The following ZNF467 variants were observed in gnomAD, a reference collection of about 807,000 sequenced individuals.
The protein encoded by ZNF467 is zinc finger protein 467.
In ZNF467, 51 loss-of-function variants were observed where a neutral mutation model predicts 47.8. The observed-to-expected ratio is 1.07, with a 90% confidence interval of 0.85 to 1.35. The LOEUF (loss-of-function observed/expected upper bound fraction) is 1.35. ZNF467 is among the 40% of genes most tolerant of loss of function. The pLI is 0.00. For synonymous variants in ZNF467, 416 were observed against 372.9 expected, an observed-to-expected ratio of 1.12 and a Z score of -1.33; for missense variants, 992 against 858.1, an observed-to-expected ratio of 1.16 and a Z score of -1.95.
intron 4 of ZNF467, 97 bp from the exon 5 acceptor site, chr7:149,766,336 T>C: frequency 1.3e-6 from 2 of 1,486,476 alleles, no homozygotes; most frequent in Non-Finnish European, 1.8e-6. Context: ...GCGGTCTGGC[T>C]CTGCTCTCCA....
chr7:149,776,218 A>G (rs955191704), upstream of ZNF467: 44 of 722,666 alleles, frequency 6.1e-5, no homozygotes, highest in Non-Finnish European at 8.2e-5. Flanking sequence ...GCCACTTCCC[A>G]TGAGTGTCTC....
At chr7:149,775,500 C>A (rs1248833442), upstream of ZNF467, among the ~76,000 whole-genome samples, 1 of 152,102 alleles carries the variant, frequency 6.6e-6, no homozygotes, top group Non-Finnish European at 1.5e-5. Context: ...GGGGTCATGG[C>A]CCTCTTGAGA....
At chr7:149,772,563 C>G (rs1352474156) in intron 1 of ZNF467, among the ~76,000 whole-genome samples, 3 of 141,730 alleles carry the variant, frequency 2.1e-5, no homozygotes, top group Admixed American at 2.1e-4. Flanking sequence ...TATTTCTGCT[C>G]CCCTCGGACT....
At chr7:149,772,532 T>G (rs1292638559) in intron 1 of ZNF467, among the ~76,000 whole-genome samples, 4 of 97,194 alleles carry the variant, frequency 4.1e-5, no homozygotes, top group South Asian at 3.8e-4. Flanking sequence ...GCCTCTCTTC[T>G]CCGCCGCGGC....
upstream of ZNF467, among the ~76,000 whole-genome samples, chr7:149,773,648 G>T (rs1348263138): frequency 6.8e-6 from 1 of 146,012 alleles, no homozygotes. Flanking sequence ...GAACGGGTGG[G>T]GGGGTGGCGG....
chr7:149,775,846 G>A (rs1011181858), upstream of ZNF467, among the ~76,000 whole-genome samples: 17 of 152,288 alleles, frequency 1.1e-4, no homozygotes, highest in Middle Eastern at 3.4e-3. Flanking sequence ...GGTCCAATCC[G>A]GTTGTGGGCA....
upstream of ZNF467, chr7:149,776,443 C>A (rs748392105): frequency 7.4e-7 from 1 of 1,350,794 alleles, no homozygotes; most frequent in Admixed American, 2.0e-5. Context: ...CCATTACAGC[C>A]GCCTGGGCTG....
chr7:149,776,282 T>C (rs778351279), upstream of ZNF467: 56 of 1,299,652 alleles, frequency 4.3e-5, 1 homozygote, highest in South Asian at 4.1e-4. Context: ...AGTGGTGTCA[T>C]AGGACAGGGC....
rs189263582 is a variant in ZNF467 at position 149,768,395 on chromosome 7, C to T, written c.262+695G>A. ...TCACAAACCTTCACAAACCGAAGCTCCTGGAGGCAAGGTGGCCTATCCAAG... is the reference window on the plus strand; with the variant it reads ...TCACAAACCTTCACAAACCGAAGCTTCTGGAGGCAAGGTGGCCTATCCAAG... On this transcript the variant is annotated intron_variant, in intron 4 of 4. Coordinates refer to ENST00000302017, the MANE Select transcript of ZNF467 (RefSeq NM_207336.3). Among the ~76,000 whole-genome samples, 399 of 152,356 alleles carry T rather than the reference C, an allele frequency of 2.6e-3. 1 individual carries two copies. The highest frequency in any genetic ancestry group is 4.6e-3 in the Non-Finnish European group (315 of 68,030).
upstream of ZNF467, among the ~76,000 whole-genome samples, chr7:149,774,245 C>T (rs1004959686): frequency 1.3e-5 from 2 of 152,170 alleles, no homozygotes; most frequent in African/African-American, 2.4e-5. The surrounding 1 kb of genome is among the most constrained non-coding windows in gnomAD (Gnocchi z 5.7). Flanking sequence ...CTCCACTCGC[C>T]CTCCCTGCCC....
chr7:149,773,948 G>T (rs1799507101), upstream of ZNF467, among the ~76,000 whole-genome samples: 1 of 152,162 alleles, frequency 6.6e-6, no homozygotes, highest in Non-Finnish European at 1.5e-5. Context: ...CCCTGTGCTT[G>T]CGAGAACGGG....
chr7:149,765,926 G>A lies in ZNF467; in HGVS notation c.576C>T (p.Asp192=). ...HRGEGPCACP[D]CGRSFTQRAH... is the part of the protein sequence containing the mutation. ...CGCGCTGCGTGAAGCTGCGGCCGCA[G>A]TCCGGGCAGGCGCAGGGGCCCTCGC... The change falls in exon 5 of 5, where the codon GAC becomes GAT. Residue 192 remains aspartate, a synonymous_variant. Coordinates refer to ENST00000302017, the MANE Select transcript of ZNF467 (RefSeq NM_207336.3). 6.4e-7 allele frequency: 1 copy of A among 1,556,878 alleles called. No individual in the cohort carries two copies.
intron 1 of ZNF467, among the ~76,000 whole-genome samples, chr7:149,771,794 CCT>C (rs1165672000): frequency 1.3e-5 from 2 of 149,416 alleles, no homozygotes; most frequent in Non-Finnish European, 3.0e-5. Context: ...TGCCTTCCGC[CCT>C]CTCTCCCCTG....
chr7:149,766,142 G>T lies in ZNF467; in HGVS notation c.360C>A (p.Ser120Arg). The change falls in exon 5 of 5, where the codon AGC becomes AGA. Residue 120 changes from serine to arginine, a missense_variant. Coordinates refer to ENST00000302017, the MANE Select transcript of ZNF467 (RefSeq NM_207336.3). ...GCCCCAGGTCAGGCGCGGGAAAGGGGCTGGGAAGTAACGATAGATGCTGGG... is the reference window on the plus strand; with the variant it reads ...GCCCCAGGTCAGGCGCGGGAAAGGGTCTGGGAAGTAACGATAGATGCTGGG... ...EWPQHLSLLP[S>R]PFPAPDLGHL... 6.2e-7 allele frequency: 1 copy of T among 1,600,630 alleles called. No homozygotes were observed. The highest frequency in any genetic ancestry group is 8.5e-7 in the Non-Finnish European group (1 of 1,171,362).
At chr7:149,773,942 G>A (rs1799506935), upstream of ZNF467, among the ~76,000 whole-genome samples, 3 of 152,194 alleles carry the variant, frequency 2.0e-5, no homozygotes, top group African/African-American at 7.2e-5. Flanking sequence ...CTGGGCCCCT[G>A]TGCTTGCGAG....
In ZNF467 at chr7:149,765,404, C is replaced by G. The variant is rs1185876349; in HGVS notation, c.1098G>C (p.Trp366Cys). The change falls in exon 5 of 5, where the codon TGG (tryptophan) becomes TGC (cysteine). Residue 366 changes from tryptophan (W) to cysteine (C), a missense_variant. Coordinates refer to ENST00000302017, the MANE Select transcript of ZNF467 (RefSeq NM_207336.3). Reference protein sequence around the residue: ...ACSDCGLSFGWKKNLATHQCL... With the variant: ...ACSDCGLSFGCKKNLATHQCL... Reference sequence around the variant, plus strand: ...ACTGGTGCGTGGCGAGGTTCTTTTTCCAGCCGAAGCTCAAGCCGCAGTCGG... The same window carrying G: ...ACTGGTGCGTGGCGAGGTTCTTTTTGCAGCCGAAGCTCAAGCCGCAGTCGG... 2 of 1,572,104 alleles carry G rather than the reference C, an allele frequency of 1.3e-6. No individual in the cohort carries two copies. Among genetic ancestry groups the G allele is most frequent in the Non-Finnish European group, 8.6e-7 (1 of 1,159,584 alleles).
chr7:149,776,482 T>A (rs1266478764), upstream of ZNF467: 1 of 1,327,356 alleles, frequency 7.5e-7, no homozygotes, highest in Non-Finnish European at 1.0e-6. Flanking sequence ...GAGTGGCCGC[T>A]CGGGGCTTAC....
chr7:149,769,237 C>T lies in ZNF467; in HGVS notation c.152-37G>A, dbSNP rs1395416364. 12 of 1,514,916 alleles carry T rather than the reference C, an allele frequency of 7.9e-6. No homozygotes were observed. Among genetic ancestry groups the T allele is most frequent in the Non-Finnish European group, 1.1e-5 (12 of 1,128,776 alleles). The allele number at this position is 1,514,916 out of a possible 1,614,324, so 93.8% of individuals were successfully genotyped here. On this transcript the variant is annotated intron_variant, in intron 3 of 4. Coordinates refer to ENST00000302017, the MANE Select transcript of ZNF467 (RefSeq NM_207336.3). This position sits in a 1 kb window ranked among gnomAD's most constrained non-coding sequence, Gnocchi z 5.3. ...TAGGATACCTCAAGGACTCTGGAGA[C>T]ATCACAGATGGCCAAAGGGCCCCAC...
Position 149,764,772 on chromosome 7 carries a change from A to G in ZNF467, c.1730T>C (p.Leu577Pro). 2 of 1,525,946 alleles carry G rather than the reference A, an allele frequency of 1.3e-6. No homozygotes were observed. Among genetic ancestry groups the G allele is most frequent in the Non-Finnish European group, 1.8e-6 (2 of 1,136,504 alleles). The allele number at this position is 1,525,946 out of a possible 1,614,324, so 94.5% of individuals were successfully genotyped here. A position where few individuals can be genotyped will look rare whatever the true frequency, so the allele number is the denominator to read the frequency against. Reference sequence around the variant, plus strand: ...GGGAGCGGACCAGGCTGGGGCCGCAAGGGCGGCGTCCGGGGCCGCGTGGGC... The same window carrying G: ...GGGAGCGGACCAGGCTGGGGCCGCAGGGGCGGCGTCCGGGGCCGCGTGGGC... ...EAAHAAPDAA[L>P]AAPAWSAPPE... The change falls in exon 5 of 5, where the codon CTT (leucine) becomes CCT (proline). Residue 577 changes from leucine (L) to proline (P), a missense_variant. By Grantham distance (98) the Leu-to-Pro change is moderately conservative (BLOSUM62 -3). Coordinates refer to ENST00000302017, the MANE Select transcript of ZNF467 (RefSeq NM_207336.3).
Sources: allele counts gnomAD v4.1 joint callset (sites outside exome capture counted in the v4.1 genomes callset), GRCh38; gene constraint gnomAD v4.1.1; non-coding constraint Gnocchi (gnomAD v3.1); transcripts MANE v1.5; gene names NCBI Gene and HGNC (gene_info 2026-07-23, HGNC 2026-07-21).